NAA35: variants seen among roughly 807,000 people sequenced by gnomAD.
NAA35 encodes the protein N-alpha-acetyltransferase 35, NatC auxiliary subunit.
NAA35 carries 18 observed loss-of-function variants against 101.7 expected under a neutral mutation model. The observed-to-expected ratio is 0.18, with a 90% CI of 0.12 to 0.26. The LOEUF is 0.26. NAA35 is among the 10% of genes least tolerant of loss of function. The probability of loss-of-function intolerance (pLI) is 1.00; values close to 1 mark genes in which losing one functional copy is unlikely to be tolerated. For missense variants in NAA35, 601 were observed against 886.8 expected (o/e 0.68, Z 4.09); for synonymous variants, 267 against 273.1 (o/e 0.98, Z 0.22).
chr9:86,005,042 A>T (rs923721065), intron 13 of NAA35, among the ~76,000 whole-genome samples: 1 of 152,200 alleles, frequency 6.6e-6, no homozygotes, highest in African/African-American at 2.4e-5. Context: ...AAAACTATAG[A>T]CCATATTTTC....
At chr9:86,008,161 C>T (rs1258455990) in intron 14 of NAA35, among the ~76,000 whole-genome samples, 1 of 152,196 alleles carries the variant, frequency 6.6e-6, no homozygotes, top group African/African-American at 2.4e-5. Flanking sequence ...CTCCTAGGTT[C>T]AAGAGATTCT....
At chr9:86,009,097 C>G (rs1378471738) in intron 14 of NAA35, among the ~76,000 whole-genome samples, 2 of 152,116 alleles carry the variant, frequency 1.3e-5, no homozygotes, top group Non-Finnish European at 2.9e-5. Context: ...ATCTTCAAGG[C>G]TACTAATGAA....
intron 5 of NAA35, among the ~76,000 whole-genome samples, chr9:85,961,509 A>G (rs2117884428): frequency 6.6e-6 from 1 of 152,340 alleles, no homozygotes; most frequent in South Asian, 2.1e-4. Context: ...ACTTAGTAAA[A>G]TAGTATAAAA....
At chr9:85,960,757 A>G (rs529657234) in intron 5 of NAA35, among the ~76,000 whole-genome samples, 2 of 152,330 alleles carry the variant, frequency 1.3e-5, no homozygotes, top group East Asian at 3.9e-4. Context: ...TTCTGACAAC[A>G]TGTAAATGCT....
At chr9:85,997,924 G>T (rs1387373878) in intron 12 of NAA35, among the ~76,000 whole-genome samples, 1 of 151,400 alleles carries the variant, frequency 6.6e-6, no homozygotes. Context: ...TTTTTTGTTT[G>T]TTTGTTTTGA....
chr9:86,021,325 C>A (rs993817280), intron 22 of NAA35, among the ~76,000 whole-genome samples: 4 of 152,174 alleles, frequency 2.6e-5, no homozygotes, highest in Non-Finnish European at 5.9e-5. Context: ...TGAAAGACTT[C>A]TTTGTAATGG....
intron 22 of NAA35, 25 bp downstream of exon 22, chr9:86,020,994 G>A (rs1387640765): frequency 1.9e-6 from 3 of 1,549,480 alleles, no homozygotes; most frequent in East Asian, 4.5e-5. Flanking sequence ...GGAAAAATAA[G>A]TGGTCTTAGA....
In NAA35 at chr9:86,023,356, TG is replaced by T. The variant is rs759923347; in HGVS notation, c.*1398del. On this transcript the variant is annotated 3_prime_UTR_variant, in exon 23 of 23. Coordinates refer to ENST00000361671, the MANE Select transcript of NAA35 (RefSeq NM_024635.4). ...GTTGAGAATGAAAACTGTTTCTGGC[TG>T]GTAATTACTGAATGCTTTAAACAAA... 2.0e-5 allele frequency among the ~76,000 whole-genome samples: 3 copies of T among 152,190 alleles called. No individual in the cohort carries two copies. Among genetic ancestry groups the T allele is most frequent in the Non-Finnish European group, 4.4e-5 (3 of 68,032 alleles).
At chr9:85,942,364 G>A (rs1828561892) in intron 2 of NAA35, 81 bp downstream of exon 2, 1 of 1,539,604 alleles carries the variant, frequency 6.5e-7, no homozygotes, top group Non-Finnish European at 8.8e-7. Context: ...TACCTCATTA[G>A]ATGAAATCAA....
Position 86,023,775 on chromosome 9 carries a change from AGATT to A in NAA35, c.*1820_*1823del, listed in dbSNP as rs1832670206. 6.6e-6 allele frequency among the ~76,000 whole-genome samples: 1 copy of A among 152,236 alleles called. No individual in the cohort carries two copies. Among genetic ancestry groups the A allele is most frequent in the Non-Finnish European group, 1.5e-5 (1 of 68,046 alleles). ...CTATTAACCCATTATCAACTAAAAA[AGATT>A]GATTAGTGTTAGATTTATCAGTGTA... On this transcript the variant is annotated 3_prime_UTR_variant, in exon 23 of 23. Coordinates refer to ENST00000361671, the MANE Select transcript of NAA35 (RefSeq NM_024635.4).
intron 15 of NAA35, among the ~76,000 whole-genome samples, chr9:86,010,142 G>A (rs953480512): frequency 1.3e-5 from 2 of 152,092 alleles, no homozygotes; most frequent in African/African-American, 4.8e-5. Flanking sequence ...CAGCTACTCA[G>A]GAGCCTGAGG....
chr9:86,020,880 A>C lies in NAA35; in HGVS notation c.2038-9A>C. 1 of 1,601,164 alleles carries C rather than the reference A, an allele frequency of 6.2e-7. No individual in the cohort carries two copies. Among genetic ancestry groups the C allele is most frequent in the Non-Finnish European group, 8.5e-7 (1 of 1,171,214 alleles). On this transcript the variant is annotated splice_polypyrimidine_tract_variant and intron_variant, in intron 21 of 22. Coordinates refer to ENST00000361671, the MANE Select transcript of NAA35 (RefSeq NM_024635.4). Reference sequence around the variant, plus strand: ...TTAATGTTTCAGTAGTTTTATGTTCATGTTTCAGGTTAATAGAATTTTAAA... The same window carrying C: ...TTAATGTTTCAGTAGTTTTATGTTCCTGTTTCAGGTTAATAGAATTTTAAA...
intron 11 of NAA35, 32 bp from the exon 12 acceptor site, chr9:85,996,367 G>T: frequency 1.3e-6 from 2 of 1,490,972 alleles, no homozygotes; most frequent in Middle Eastern, 1.8e-4. Context: ...GAGAAAAGTT[G>T]AAAAATTTTA....
intron 1 of NAA35, chr9:85,941,742 G>A (rs1828527177): frequency 2.0e-6 from 2 of 989,270 alleles, no homozygotes; most frequent in East Asian, 1.1e-4. Context: ...CCAGATGAAG[G>A]GCTACCTTGA....
chr9:85,943,498 G>C (rs1189526834), intron 2 of NAA35, among the ~76,000 whole-genome samples: 2 of 152,144 alleles, frequency 1.3e-5, no homozygotes, highest in Non-Finnish European at 2.9e-5. Context: ...CAGGTGGAAA[G>C]GGAGCCAGCT....
At chr9:85,956,770 GTGT>G (rs1829294223) in intron 3 of NAA35, among the ~76,000 whole-genome samples, 1 of 152,204 alleles carries the variant, frequency 6.6e-6, no homozygotes, top group Non-Finnish European at 1.5e-5. Context: ...AGTCAGTTTA[GTGT>G]TGTTGTAGCT....
chr9:86,006,982 C>G (rs570920695), intron 13 of NAA35, among the ~76,000 whole-genome samples: 1 of 152,006 alleles, frequency 6.6e-6, no homozygotes, highest in African/African-American at 2.4e-5. Flanking sequence ...GTATATGTTA[C>G]AAAACATTCA....
At chr9:85,964,845 T>C (rs1040966060) in intron 6 of NAA35, among the ~76,000 whole-genome samples, 6 of 152,254 alleles carry the variant, frequency 3.9e-5, no homozygotes, top group African/African-American at 1.2e-4. Context: ...TTTTGTCTTA[T>C]TACCATATGG....
At chr9:85,992,961 T>TA (rs1830982097) in intron 11 of NAA35, among the ~76,000 whole-genome samples, 1 of 151,718 alleles carries the variant, frequency 6.6e-6, no homozygotes, top group Admixed American at 6.6e-5. Context: ...GAAAAAAGCT[T>TA]ACCTCAAAGC....
Sources: allele counts gnomAD v4.1 joint callset (sites outside exome capture counted in the v4.1 genomes callset), GRCh38; gene constraint gnomAD v4.1.1; transcripts MANE v1.5; gene names NCBI Gene and HGNC (gene_info 2026-07-23, HGNC 2026-07-21).